The following XAF1 variants were observed in gnomAD, a reference collection of about 807,000 sequenced individuals.
XAF1 encodes XIAP-associated factor 1.
Under a neutral mutation model 32.3 loss-of-function variants are expected in XAF1, and 32 were observed. The observed-to-expected ratio is 0.99, with a 90% confidence interval of 0.75 to 1.33. The LOEUF (loss-of-function observed/expected upper bound fraction) is 1.33. XAF1 is among the 40% of genes most tolerant of loss of function. XAF1 has a pLI of 0.00. For synonymous variants in XAF1, 120 were observed against 125.9 expected, an observed-to-expected ratio of 0.95 and a Z score of 0.31; for missense variants, 379 against 366.0, an observed-to-expected ratio of 1.04 and a Z score of -0.29.
At chr17:6,763,103 C>T (rs1310748402) in intron 5 of XAF1, among the ~76,000 whole-genome samples, 1 of 152,148 alleles carries the variant, frequency 6.6e-6, no homozygotes, top group Non-Finnish European at 1.5e-5. Flanking sequence ...AATCCTATAC[C>T]CATTAGCAGG....
chr17:6,757,154 G>A (rs1251960199), intron 1 of XAF1, among the ~76,000 whole-genome samples: 2 of 151,942 alleles, frequency 1.3e-5, no homozygotes, highest in East Asian at 3.9e-4. Flanking sequence ...GGCGTGCACC[G>A]CCATGCCCGG....
At chr17:6,765,109 A>T (rs1279187290) in intron 5 of XAF1, among the ~76,000 whole-genome samples, 1 of 152,054 alleles carries the variant, frequency 6.6e-6, no homozygotes, top group Non-Finnish European at 1.5e-5. Flanking sequence ...CTACCTCCTG[A>T]TTTTTAAAAA....
chr17:6,757,142 C>T (rs1453595569), intron 1 of XAF1, among the ~76,000 whole-genome samples: 2 of 152,166 alleles, frequency 1.3e-5, no homozygotes, highest in Non-Finnish European at 2.9e-5. Context: ...GTTGGGATTA[C>T]AGGCGTGCAC....
chr17:6,756,153 G>A (rs368424129), intron 1 of XAF1, 43 bp downstream of exon 1: 3 of 1,613,834 alleles, frequency 1.9e-6, no homozygotes, highest in East Asian at 2.2e-5. Flanking sequence ...GGCTGGCGAG[G>A]GAGAGACGTA....
rs1357627558 is a variant in XAF1 at position 6,758,218 on chromosome 17, C to T, written c.162C>T (p.His54=). 1.2e-6 allele frequency: 2 copies of T among 1,614,194 alleles called. No individual in the cohort carries two copies. Among genetic ancestry groups the T allele is most frequent in the Non-Finnish European group, 1.7e-6 (2 of 1,180,030 alleles). ...ETMEEHCKLE[H]QQVGCTMCQQ... Reference sequence around the variant, plus strand: ...TGGAGGAGCACTGCAAGCTTGAGCACCAGCAGGTGAGGAGGCGGCAGGGAG... The same window carrying T: ...TGGAGGAGCACTGCAAGCTTGAGCATCAGCAGGTGAGGAGGCGGCAGGGAG... The change falls in exon 2 of 7, where the codon CAC becomes CAT. Residue 54 remains histidine, a synonymous_variant. Coordinates refer to ENST00000361842, the MANE Select transcript of XAF1 (RefSeq NM_017523.5).
Position 6,756,377 on chromosome 17 carries a change from G to A in XAF1, c.32+267G>A, listed in dbSNP as rs111944834. 7.3e-5 allele frequency: 76 copies of A among 1,047,840 alleles called. 1 individual carries two copies. The African/African-American group carries it at 8.7e-4, about 12-fold the overall frequency. The allele number at this position is 1,047,840 out of a possible 1,614,324, so 64.9% of individuals were successfully genotyped here. ...GGACAGTTCTGAAGCCAAATAGCCC[G>A]GCCAGTGGTCCCAACTGGGCTACTC... is the stretch of plus-strand genomic sequence containing the variant. On this transcript the variant is annotated intron_variant, in intron 1 of 6. Transcript: ENST00000361842.
At chr17:6,770,168 T>G (rs1975911275) in intron 5 of XAF1, among the ~76,000 whole-genome samples, 1 of 152,160 alleles carries the variant, frequency 6.6e-6, no homozygotes, top group African/African-American at 2.4e-5. Context: ...GAACACAAAT[T>G]TATTTCGAAC....
At chr17:6,764,072 A>G (rs1279298516) in intron 5 of XAF1, among the ~76,000 whole-genome samples, 1 of 152,218 alleles carries the variant, frequency 6.6e-6, no homozygotes, top group East Asian at 1.9e-4. Context: ...GCTCCAATAC[A>G]CATGGAACTG....
At chr17:6,764,798 A>G (rs7215005) in intron 5 of XAF1, among the ~76,000 whole-genome samples, 17,847 of 152,096 alleles carry the variant, frequency 0.12, 1,521 homozygotes, top group African/African-American at 0.24. Context: ...TCTCATTCTT[A>G]TTCCCACTCC....
intron 4 of XAF1, 46 bp from the exon 5 acceptor site, chr17:6,762,109 G>A (rs763858285): frequency 3.9e-5 from 63 of 1,610,462 alleles, no homozygotes; most frequent in Middle Eastern, 1.6e-4. Context: ...TGGGCTAGCC[G>A]TTGACAAGGA....
intron 5 of XAF1, among the ~76,000 whole-genome samples, chr17:6,769,880 G>A (rs543903148): frequency 2.0e-5 from 3 of 152,216 alleles, no homozygotes; most frequent in African/African-American, 7.2e-5. Context: ...CTCAAATACC[G>A]ACCCAAGAAA....
intron 6 of XAF1, 150 bp from the exon 7 acceptor site, chr17:6,772,963 G>A (rs923236826): frequency 2.0e-5 from 13 of 635,742 alleles, no homozygotes; most frequent in Non-Finnish European, 1.3e-5. Context: ...TTCTGGCTCA[G>A]TGGGCTCCTG....
chr17:6,756,616 C>T (rs562410607), intron 1 of XAF1, among the ~76,000 whole-genome samples: 57 of 152,188 alleles, frequency 3.7e-4, no homozygotes, highest in Admixed American at 2.4e-3. Flanking sequence ...CAAAAAGCCC[C>T]ATTCTCAAAG....
At chr17:6,761,477 T>A (rs1175504862) in intron 4 of XAF1, among the ~76,000 whole-genome samples, 5 of 152,210 alleles carry the variant, frequency 3.3e-5, no homozygotes, top group African/African-American at 1.2e-4. Flanking sequence ...GAGGGTGTAT[T>A]TACTGTCACA....
chr17:6,764,903 T>C (rs1975479099), intron 5 of XAF1, among the ~76,000 whole-genome samples: 1 of 152,108 alleles, frequency 6.6e-6, no homozygotes, highest in African/African-American at 2.4e-5. Flanking sequence ...TCTCAATTTA[T>C]GGGAAGCATT....
intron 5 of XAF1, among the ~76,000 whole-genome samples, chr17:6,766,315 A>G (rs1975626033): frequency 6.6e-6 from 1 of 152,136 alleles, no homozygotes; most frequent in South Asian, 2.1e-4. Flanking sequence ...GTCTCCCACG[A>G]CCTCAGAAAA....
chr17:6,772,297 G>A (rs1976091999), intron 6 of XAF1, among the ~76,000 whole-genome samples: 1 of 151,996 alleles, frequency 6.6e-6, no homozygotes, highest in Admixed American at 6.6e-5. Context: ...TGTTTTTAGT[G>A]TAGGTATATT....
intron 5 of XAF1, among the ~76,000 whole-genome samples, chr17:6,765,290 A>G (rs144894013): frequency 0.013 from 1,941 of 152,110 alleles, 54 homozygotes; most frequent in African/African-American, 0.044. Context: ...GTGGGTGACT[A>G]TAGTCCCAGC....
At chr17:6,758,632 T>A in intron 2 of XAF1, 1 of 326,282 alleles carries the variant, frequency 3.1e-6, no homozygotes. Flanking sequence ...GCAGGTGAGA[T>A]GGGGTCTGGG....
Sources: gnomAD v4.1 joint callset for allele counts (sites outside exome capture counted in the v4.1 genomes callset) on GRCh38, gnomAD v4.1.1 for gene constraint, MANE v1.5 for transcripts, NCBI Gene and HGNC (gene_info 2026-07-23, HGNC 2026-07-21) for gene names.